PDXDC1: variants seen among roughly 807,000 people sequenced by gnomAD.
PDXDC1 encodes pyridoxal-dependent decarboxylase domain-containing protein 1.
Under a neutral mutation model 100.1 loss-of-function variants are expected in PDXDC1, and 42 were observed. The observed-to-expected ratio is 0.42, with a 90% confidence interval of 0.33 to 0.54. The LOEUF is 0.54. Ranked by LOEUF, PDXDC1 falls within the 20% of genes least tolerant of loss-of-function variation. The probability of loss-of-function intolerance (pLI) is 0.10; values close to 1 mark genes in which losing one functional copy is unlikely to be tolerated. For missense variants in PDXDC1, 636 were observed against 979.2 expected (o/e 0.65, Z 4.68); for synonymous variants, 260 against 371.7 (o/e 0.70, Z 3.46).
At chr16:15,023,662 A>G (rs574062473) in intron 13 of PDXDC1, among the ~76,000 whole-genome samples, 39 of 152,034 alleles carry the variant, frequency 2.6e-4, no homozygotes, top group African/African-American at 8.4e-4. Flanking sequence ...CTCAAGGAAG[A>G]AAAAAAAATG....
chr16:15,037,297 T>C lies in PDXDC1; in HGVS notation c.*1022T>C, dbSNP rs945273255. 3 of 152,234 alleles carry C rather than the reference T, an allele frequency of 2.0e-5. No homozygotes were observed. Among genetic ancestry groups the C allele is most frequent in the Admixed American group, 2.0e-4 (3 of 15,284 alleles). The allele number at this position is 152,234 out of a possible 1,614,324, so 9.4% of individuals were successfully genotyped here. A position where few individuals can be genotyped will look rare whatever the true frequency, so the allele number is the denominator to read the frequency against. ...TCCGAAGTACTGCGTCACTTTGTCG[T>C]AAGTAATGGCCCCTGTGCCTTCTTA... On this transcript the variant is annotated 3_prime_UTR_variant, in exon 23 of 23. Transcript: ENST00000396410.
rs571949949 is a variant in PDXDC1, at chr16:15,111,985, G to A, written c.1400-26894G>A. On this transcript the variant is annotated intron_variant, in intron 16 of 16. Coordinates refer to the PDXDC1 transcript ENST00000535621. ...ATCTGCACTGGAGCATCTTTCTTCT[G>A]TCCCTGCTCTACTCAGAGTTCACTT... Among the ~76,000 whole-genome samples the A allele has an allele frequency of 1.9e-4, 28 of 147,642 alleles. 4 individuals carry two copies. In the South Asian group the frequency reaches 5.7e-3, roughly 30 times the overall value.
intron 21 of PDXDC1, among the ~76,000 whole-genome samples, chr16:15,035,237 C>T (rs1212652635): frequency 2.0e-5 from 3 of 152,214 alleles, no homozygotes; most frequent in African/African-American, 7.2e-5. Flanking sequence ...TGTGCTTACG[C>T]CATACTGCTG....
At position 15,032,901 on chromosome 16, in the gene PDXDC1, G is replaced by C; in HGVS notation, c.1612G>C (p.Asp538His). 1 of 1,611,648 alleles carries C rather than the reference G, an allele frequency of 6.2e-7. No homozygotes were observed. The highest frequency in any genetic ancestry group is 8.5e-7 in the Non-Finnish European group (1 of 1,177,662). ...ANDDKSSLKS[D>H]PEGENIHAGL... The stretch of plus-strand genomic sequence containing the variant: ...TGATGATAAGAGCAGTTTGAAATCA[G>C]ATCCCGAAGGGGAAAACATCCATGC... The change falls in exon 18 of 23, where the codon GAT (aspartate) becomes CAT (histidine). Residue 538 changes from aspartate to histidine, a missense_variant. Physicochemically the swap from Asp to His is moderately conservative, Grantham distance 81. This residue lies in a region of PDXDC1 where 452 missense variants were observed against 402.9 expected (regional missense o/e 1.12). Transcript: ENST00000396410.
chr16:15,133,838 G>A (rs992817488), intron 16 of PDXDC1: 368 of 1,578,060 alleles, frequency 2.3e-4, no homozygotes, highest in Non-Finnish European at 3.0e-4. Context: ...CGTGCACAGC[G>A]CCCAGTGGGA....
chr16:15,124,397 G>A (rs1224047521), intron 16 of PDXDC1, among the ~76,000 whole-genome samples: 2 of 152,078 alleles, frequency 1.3e-5, no homozygotes, highest in Non-Finnish European at 2.9e-5. Flanking sequence ...ATTGTAAACA[G>A]GAAATATTCT....
rs976196390 is a variant in PDXDC1, at chr16:15,073,232, A to G, written c.1399+43176A>G. ...TGCAATCCCAGCACTTTGGGAGGCC[A>G]AAGTGAGAGGGAGCCCGGGAGTTCA... On this transcript the variant is annotated intron_variant, in intron 16 of 16. Transcript: ENST00000535621. The G allele has an allele frequency of 9.9e-5, 83 of 841,782 alleles. No individual in the cohort carries two copies. In the African/African-American group the frequency reaches 1.3e-3, roughly 13 times the overall value. 52.1% of individuals were successfully genotyped at this position (841,782 alleles called of 1,614,324 possible). A position where few individuals can be genotyped will look rare whatever the true frequency, so the allele number is the denominator to read the frequency against.
intron 16 of PDXDC1, chr16:15,044,437 C>T: frequency 6.9e-7 from 1 of 1,449,630 alleles, no homozygotes; most frequent in African/African-American, 1.4e-5. Flanking sequence ...GGTCAGAGGC[C>T]AGAAGAAGAC....
At chr16:15,110,728 G>A in intron 16 of PDXDC1, 1 of 1,587,628 alleles carries the variant, frequency 6.3e-7, no homozygotes, top group South Asian at 1.1e-5. Flanking sequence ...ATACCTTCCT[G>A]TCTACGGCGG....
chr16:14,989,514 G>C (rs1305901278), intron 1 of PDXDC1: 52 of 1,612,270 alleles, frequency 3.2e-5, no homozygotes, highest in Non-Finnish European at 4.0e-5. Context: ...CTGCAGCGCG[G>C]TCACGCGCTC....
intron 16 of PDXDC1, among the ~76,000 whole-genome samples, chr16:15,129,304 G>A (rs1369417688): frequency 1.3e-5 from 2 of 151,222 alleles, no homozygotes; most frequent in African/African-American, 4.9e-5. Context: ...TGGGTGTGGT[G>A]GCGTGCACCT....
intron 16 of PDXDC1, among the ~76,000 whole-genome samples, chr16:15,116,498 A>T (rs915212950): frequency 1.5e-5 from 2 of 136,514 alleles, no homozygotes; most frequent in African/African-American, 5.2e-5. Flanking sequence ...AAAAAAAAAA[A>T]AAAATTACCA....
intron 1 of PDXDC1, among the ~76,000 whole-genome samples, chr16:14,995,244 T>G (rs1971706018): frequency 1.3e-5 from 2 of 152,404 alleles, no homozygotes; most frequent in South Asian, 4.1e-4. Context: ...ATGCTTCCAG[T>G]TTTTGCCCAT....
At position 15,083,399 on chromosome 16, in the gene PDXDC1, A is replaced by AAAAAAG. The variant is rs950939308; in HGVS notation, c.1399+53359_1399+53364dup. ...GGGCGACAGAGTGAGACTCGGTCTC[A>AAAAAAG]AAAAAGAAAAAGAAAAAGAAAGACT... is the stretch of plus-strand genomic sequence containing the variant. On this transcript the variant is annotated intron_variant, in intron 16 of 16. Transcript: ENST00000535621. 4.7e-6 allele frequency: 7 copies of AAAAAAG among 1,495,008 alleles called. No individual in the cohort carries two copies. In the Admixed American group the frequency reaches 7.1e-5, roughly 15 times the overall value. The allele number at this position is 1,495,008 out of a possible 1,614,324, so 92.6% of individuals were successfully genotyped here. A position where few individuals can be genotyped will look rare whatever the true frequency, so the allele number is the denominator to read the frequency against.
intron 16 of PDXDC1, among the ~76,000 whole-genome samples, chr16:15,102,548 GAGGC>G (rs1015943576): frequency 6.6e-6 from 1 of 151,290 alleles, no homozygotes; most frequent in Non-Finnish European, 1.5e-5. Context: ...CCCAGAGAGG[GAGGC>G]AGGCAGGCAG....
chr16:15,112,251 G>A (rs1221315582), intron 16 of PDXDC1, among the ~76,000 whole-genome samples: 5 of 148,700 alleles, frequency 3.4e-5, no homozygotes, highest in Admixed American at 2.0e-4. Flanking sequence ...GAGACGGAGT[G>A]TCAGTCAACC....
intron 5 of PDXDC1, among the ~76,000 whole-genome samples, chr16:15,004,919 T>G (rs1973936866): frequency 6.6e-6 from 1 of 152,288 alleles, no homozygotes; most frequent in African/African-American, 2.4e-5. Context: ...GGAAAAAAAG[T>G]CTGTAGATAT....
intron 16 of PDXDC1, chr16:15,126,908 T>A (rs2047766270): frequency 4.4e-6 from 1 of 225,004 alleles, no homozygotes; most frequent in African/African-American, 2.3e-5. Context: ...TCTGCCCGCC[T>A]CGGCCTCCCA....
intron 16 of PDXDC1, among the ~76,000 whole-genome samples, chr16:15,097,948 T>TC (rs934673032): frequency 1.4e-5 from 2 of 141,588 alleles, no homozygotes; most frequent in Non-Finnish European, 3.1e-5. Flanking sequence ...CTTTTTTTTT[T>TC]TTTTTTTTTT....
Sources: allele counts gnomAD v4.1 joint callset (sites outside exome capture counted in the v4.1 genomes callset), GRCh38; gene constraint gnomAD v4.1.1; regional missense constraint gnomAD v4.1.1; transcripts MANE v1.5; gene names NCBI Gene and HGNC (gene_info 2026-07-23, HGNC 2026-07-21).